Variants in RAB33A observed in about 807,000 individuals in gnomAD.
The protein encoded by RAB33A is ras-related protein Rab-33A.
RAB33A carries 6 observed loss-of-function variants against 12.0 expected under a neutral mutation model. The observed-to-expected ratio is 0.50, with a 90% confidence interval of 0.27 to 0.99. The LOEUF (loss-of-function observed/expected upper bound fraction) is 0.99. Among genes scored for constraint, RAB33A ranks in the 50% least tolerant of loss-of-function variants. RAB33A has a pLI of 0.11. For synonymous variants in RAB33A, 70 were observed against 82.4 expected (o/e 0.85, Z 0.81); for missense variants, 109 against 192.0 (o/e 0.57, Z 2.55).
chrX:130,162,111 G>A, the RAB33A span, among the ~76,000 whole-genome samples: 1 of 112,050 alleles, frequency 8.9e-6, no homozygotes, highest in Non-Finnish European at 1.9e-5. Flanking sequence ...TTTACCATGT[G>A]CCAGAGATGG....
At chrX:130,165,819 T>C in the RAB33A span, 3 of 520,032 alleles carry the variant, frequency 5.8e-6, no homozygotes, top group Admixed American at 2.7e-5. Context: ...GAAGCCGGCC[T>C]GCTAGAGCCG....
At chrX:130,160,673 C>A in the RAB33A span, among the ~76,000 whole-genome samples, 3 of 111,695 alleles carry the variant, frequency 2.7e-5, no homozygotes, top group African/African-American at 9.8e-5. Flanking sequence ...CCACCTTAGC[C>A]TCCAGAATAG....
At chrX:130,173,357 C>T (rs2031632569) in intron 1 of RAB33A, among the ~76,000 whole-genome samples, 2 of 111,613 alleles carry the variant, frequency 1.8e-5, no homozygotes, top group Middle Eastern at 4.6e-3. Context: ...TTTCCTTGAG[C>T]GTATGGTTGG....
At chrX:130,124,122 A>G in the RAB33A span, among the ~76,000 whole-genome samples, 1,270 of 111,418 alleles carry the variant, frequency 0.011, 14 homozygotes, top group African/African-American at 0.039. Context: ...GCAACTGGAG[A>G]AGCAATGAAG....
chrX:130,164,083 G>C, the RAB33A span, among the ~76,000 whole-genome samples: 2 of 108,005 alleles, frequency 1.9e-5, no homozygotes, highest in Non-Finnish European at 3.8e-5. Flanking sequence ...CAGAAGAATG[G>C]CGTGAATCCG....
At chrX:130,166,757 G>A in the RAB33A span, among the ~76,000 whole-genome samples, 1 of 111,854 alleles carries the variant, frequency 8.9e-6, no homozygotes, top group Non-Finnish European at 1.9e-5. Context: ...ACAATGGTTC[G>A]ACTTACAATT....
the RAB33A span, among the ~76,000 whole-genome samples, chrX:130,142,151 G>C: frequency 1.8e-5 from 2 of 111,925 alleles, no homozygotes; most frequent in Admixed American, 9.5e-5. Flanking sequence ...AATTTAACAA[G>C]CACTAACAAT....
the RAB33A span, chrX:130,138,466 A>G: frequency 0.01 from 5,593 of 549,013 alleles, 156 homozygotes; most frequent in African/African-American, 0.094. Flanking sequence ...CTCCATCTCA[A>G]AAAAAAATAA....
intron 1 of RAB33A, among the ~76,000 whole-genome samples, chrX:130,182,203 A>G (rs2031737973): frequency 1.0e-5 from 1 of 97,934 alleles, no homozygotes; most frequent in Non-Finnish European, 2.0e-5. Flanking sequence ...TAACATATAT[A>G]CACACAATAT....
At chrX:130,149,158 C>T in the RAB33A span, among the ~76,000 whole-genome samples, 1 of 110,915 alleles carries the variant, frequency 9.0e-6, no homozygotes, top group African/African-American at 3.3e-5. Context: ...CTGACCTCAG[C>T]TGACCCGCAC....
chrX:130,182,966 C>A (rs766407835), intron 1 of RAB33A, among the ~76,000 whole-genome samples: 24 of 108,762 alleles, frequency 2.2e-4, no homozygotes, highest in African/African-American at 6.7e-4. Flanking sequence ...GTGCAGTGGC[C>A]CGATCTCGGC....
the RAB33A span, among the ~76,000 whole-genome samples, chrX:130,144,050 AAAT>A: frequency 4.5e-5 from 5 of 111,832 alleles, no homozygotes; most frequent in Non-Finnish European, 9.4e-5. Flanking sequence ...TGTAAGAGGG[AAAT>A]AATACCTACC....
chrX:130,152,149 G>A, the RAB33A span, among the ~76,000 whole-genome samples: 1 of 111,427 alleles, frequency 9.0e-6, no homozygotes, highest in African/African-American at 3.3e-5. Context: ...AAAAAGAAAA[G>A]TTTTACCTAA....
the RAB33A span, chrX:130,136,799 T>C: frequency 9.0e-7 from 1 of 1,107,265 alleles, no homozygotes; most frequent in Non-Finnish European, 1.2e-6. Flanking sequence ...GTAGGAAAGC[T>C]GACCAGCGGT....
the RAB33A span, among the ~76,000 whole-genome samples, chrX:130,123,536 C>CA: frequency 1.2e-4 from 13 of 108,451 alleles, no homozygotes; most frequent in East Asian, 2.9e-4. Flanking sequence ...ATTAAGAATA[C>CA]AAAAAAAATT....
chrX:130,165,403 A>C, the RAB33A span: 8 of 532,368 alleles, frequency 1.5e-5, no homozygotes, highest in Non-Finnish European at 2.3e-5. Flanking sequence ...CGCTTGCAAG[A>C]CTCAGGGTTC....
At chrX:130,139,167 A>C in the RAB33A span, among the ~76,000 whole-genome samples, 1 of 108,580 alleles carries the variant, frequency 9.2e-6, no homozygotes, top group Non-Finnish European at 1.9e-5. Flanking sequence ...TACTAAAAAT[A>C]CAAAAAAAAA....
At chrX:130,184,078 G>C (rs1293281258) in intron 1 of RAB33A, among the ~76,000 whole-genome samples, 1 of 111,794 alleles carries the variant, frequency 8.9e-6, no homozygotes, top group Non-Finnish European at 1.9e-5. Flanking sequence ...TAGTAGAGTT[G>C]AGGTTTCTCC....
chrX:130,151,382 A>T, the RAB33A span, among the ~76,000 whole-genome samples: 1 of 110,794 alleles, frequency 9.0e-6, no homozygotes, highest in African/African-American at 3.3e-5. Context: ...CTTGTGATCC[A>T]CCCACCTTGG....
Sources: allele counts gnomAD v4.1 joint callset (sites outside exome capture counted in the v4.1 genomes callset), GRCh38; gene constraint gnomAD v4.1.1; transcripts MANE v1.5; gene names NCBI Gene and HGNC (gene_info 2026-07-23, HGNC 2026-07-21).